OLFM2: variants seen among roughly 807,000 people sequenced by gnomAD.
OLFM2 encodes noelin-2.
In OLFM2, 20 loss-of-function variants were observed where a neutral mutation model predicts 43.9. The ratio of observed to expected loss-of-function variants is 0.46; its 90% CI spans 0.32 to 0.66. The LOEUF (loss-of-function observed/expected upper bound fraction) is 0.66, where lower values mean the gene tolerates loss of function less well. Among genes scored for constraint, OLFM2 ranks in the 30% least tolerant of loss-of-function variants. The probability of loss-of-function intolerance (pLI) is 0.04; values close to 1 mark genes in which losing one functional copy is unlikely to be tolerated. For synonymous variants in OLFM2, 268 were observed against 278.6 expected (o/e 0.96, Z 0.38); for missense variants, 416 against 643.6 (o/e 0.65, Z 3.83).
chr19:9,862,965 G>A (rs1439624949), intron 1 of OLFM2, among the ~76,000 whole-genome samples: 12 of 144,762 alleles, frequency 8.3e-5, no homozygotes, highest in Non-Finnish European at 1.4e-4. Flanking sequence ...CTCCAGCCTG[G>A]GCAAAAGAGT....
chr19:9,918,885 A>G (rs2086401975), intron 1 of OLFM2, among the ~76,000 whole-genome samples: 1 of 152,142 alleles, frequency 6.6e-6, no homozygotes, highest in South Asian at 2.1e-4. Context: ...ATGGAATGCA[A>G]ATGGGCACGG....
At chr19:9,875,180 T>A (rs752497264) in intron 1 of OLFM2, among the ~76,000 whole-genome samples, 1 of 152,212 alleles carries the variant, frequency 6.6e-6, no homozygotes, top group Non-Finnish European at 1.5e-5. Flanking sequence ...CAAGGATTCA[T>A]TTCTTTAATA....
chr19:9,865,491 T>C (rs1323626084), intron 1 of OLFM2, among the ~76,000 whole-genome samples: 11 of 128,918 alleles, frequency 8.5e-5, no homozygotes, highest in South Asian at 8.5e-4. Flanking sequence ...TTTTCTTTTT[T>C]TTTTTTTTTT....
At position 9,881,880 on chromosome 19, in the gene OLFM2, TA is replaced by T. The variant is rs1289612276; in HGVS notation, c.64-21087del. On this transcript the variant is annotated intron_variant, in intron 1 of 5. Coordinates refer to ENST00000264833, the MANE Select transcript of OLFM2 (RefSeq NM_058164.4). Reference sequence around the variant, plus strand: ...GCCTCATTTTAATTTAATCACCTCTTAAAAAAACCCCACCTCCAAATACAGT... The same window carrying T: ...GCCTCATTTTAATTTAATCACCTCTTAAAAAACCCCACCTCCAAATACAGT... Among the ~76,000 whole-genome samples the T allele has an allele frequency of 4.6e-5, 7 of 152,052 alleles. No homozygotes were observed. The South Asian group carries it at 1.5e-3, about 32-fold the overall frequency.
chr19:9,882,343 C>T (rs2046546833), intron 1 of OLFM2, among the ~76,000 whole-genome samples: 1 of 146,664 alleles, frequency 6.8e-6, no homozygotes, highest in South Asian at 2.2e-4. Context: ...TCGAGACCAT[C>T]CTGGCTAACA....
At chr19:9,874,507 G>A (rs1484214141) in intron 1 of OLFM2, among the ~76,000 whole-genome samples, 1 of 151,816 alleles carries the variant, frequency 6.6e-6, no homozygotes, top group Non-Finnish European at 1.5e-5. Flanking sequence ...TTGAGATAGA[G>A]TCTCCCTCTG....
intron 1 of OLFM2, among the ~76,000 whole-genome samples, chr19:9,901,940 CAT>C (rs1474345597): frequency 6.6e-6 from 1 of 152,208 alleles, no homozygotes; most frequent in African/African-American, 2.4e-5. Context: ...TTTGTTCACA[CAT>C]GTTCACAAAC....
intron 1 of OLFM2, among the ~76,000 whole-genome samples, chr19:9,868,892 C>T (rs1182679217): frequency 6.6e-6 from 1 of 151,116 alleles, no homozygotes; most frequent in African/African-American, 2.4e-5. Flanking sequence ...GCTATGAAGG[C>T]GCCACTACAC....
At chr19:9,873,420 T>C (rs10413248) in intron 1 of OLFM2, among the ~76,000 whole-genome samples, 38,234 of 151,914 alleles carry the variant, frequency 0.25, 4,936 homozygotes, top group African/African-American at 0.29. Flanking sequence ...TCCCAGAGTA[T>C]TGTGTTTACA....
intron 1 of OLFM2, among the ~76,000 whole-genome samples, chr19:9,885,825 C>T (rs772664734): frequency 2.0e-5 from 3 of 152,116 alleles, no homozygotes; most frequent in African/African-American, 7.2e-5. Context: ...CAGTCAGGCA[C>T]GGTGGCTCAT....
intron 1 of OLFM2, among the ~76,000 whole-genome samples, chr19:9,900,273 G>A (rs1486007941): frequency 1.3e-5 from 2 of 152,142 alleles, no homozygotes; most frequent in Non-Finnish European, 1.5e-5. Flanking sequence ...GGGAAGGGGA[G>A]GAGAGGGATG....
At chr19:9,866,153 T>G (rs1004047042) in intron 1 of OLFM2, among the ~76,000 whole-genome samples, 3 of 152,188 alleles carry the variant, frequency 2.0e-5, no homozygotes, top group Non-Finnish European at 4.4e-5. Context: ...TGCAGCAGTG[T>G]AATTAAATGC....
At chr19:9,897,488 ACT>A (rs1406787802) in intron 1 of OLFM2, among the ~76,000 whole-genome samples, 3 of 152,030 alleles carry the variant, frequency 2.0e-5, no homozygotes, top group Non-Finnish European at 4.4e-5. Flanking sequence ...ACAGAATGAG[ACT>A]CTGTCTCAAA....
intron 1 of OLFM2, among the ~76,000 whole-genome samples, chr19:9,909,271 A>C (rs2046809019): frequency 6.6e-6 from 1 of 152,132 alleles, no homozygotes; most frequent in South Asian, 2.1e-4. Context: ...GGCGACGGTC[A>C]AGGGTATAAC....
intron 1 of OLFM2, among the ~76,000 whole-genome samples, chr19:9,865,065 A>G (rs1292799255): frequency 6.6e-6 from 1 of 151,878 alleles, no homozygotes; most frequent in Non-Finnish European, 1.5e-5. Flanking sequence ...ACCTAAGACA[A>G]CAAGGATGGC....
chr19:9,858,235 C>CG (rs2046339064), intron 2 of OLFM2: 1 of 352,740 alleles, frequency 2.8e-6, no homozygotes. Flanking sequence ...GCCCACCCCC[C>CG]CCGCCCAACC....
chr19:9,856,743 T>C lies in OLFM2; in HGVS notation c.687+64A>G. The C allele has an allele frequency of 7.5e-7, 1 of 1,335,888 alleles. No homozygotes were observed. The highest frequency in any genetic ancestry group is 1.1e-6 in the Non-Finnish European group (1 of 944,552). 82.8% of individuals were successfully genotyped at this position (1,335,888 alleles called of 1,614,324 possible). A position where few individuals can be genotyped will look rare whatever the true frequency, so the allele number is the denominator to read the frequency against. ...CACCAGTGTGGACTCCCTAGGCACC[T>C]ATGGGCAGTCAAAGGCTCTGTCCCT... On this transcript the variant is annotated intron_variant, in intron 5 of 5. Coordinates refer to ENST00000264833, the MANE Select transcript of OLFM2 (RefSeq NM_058164.4). The surrounding 1 kb of genome is among the most constrained non-coding windows in gnomAD (Gnocchi z 4.0).
At chr19:9,870,437 G>A (rs1457322488) in intron 1 of OLFM2, among the ~76,000 whole-genome samples, 1 of 152,120 alleles carries the variant, frequency 6.6e-6, no homozygotes, top group Non-Finnish European at 1.5e-5. Context: ...TAGTCCCCAC[G>A]CGGCCCAGCT....
intron 1 of OLFM2, among the ~76,000 whole-genome samples, chr19:9,873,758 TAG>T (rs2046462137): frequency 1.3e-5 from 2 of 149,440 alleles, no homozygotes; most frequent in African/African-American, 4.9e-5. Flanking sequence ...GCCTCCCAAG[TAG>T]CTGGGACTAC....
Sources: gnomAD v4.1 joint callset for allele counts (sites outside exome capture counted in the v4.1 genomes callset) on GRCh38, gnomAD v4.1.1 for gene constraint, Gnocchi (gnomAD v3.1) non-coding constraint, MANE v1.5 for transcripts, NCBI Gene and HGNC (gene_info 2026-07-23, HGNC 2026-07-21) for gene names.